Variants in NRK observed in about 807,000 individuals in gnomAD.
NRK encodes Nik related kinase.
Under a neutral mutation model 125.2 loss-of-function variants are expected in NRK, and 67 were observed. The ratio of observed to expected loss-of-function variants is 0.54; its 90% confidence interval spans 0.44 to 0.66. The LOEUF (loss-of-function observed/expected upper bound fraction) is 0.66. NRK is among the 30% of genes least tolerant of loss of function. The pLI is 0.00. For synonymous variants in NRK, 458 were observed against 429.0 expected (o/e 1.07, Z -0.84); for missense variants, 1,224 against 1,192.9 (o/e 1.03, Z -0.38).
intron 19 of NRK, among the ~76,000 whole-genome samples, chrX:105,929,980 A>T (rs1226784546): frequency 1.8e-5 from 2 of 110,515 alleles, no homozygotes; most frequent in African/African-American, 6.6e-5. Context: ...ATGTGATAAG[A>T]CTCTCCTTTT....
chrX:105,839,826 G>A (rs1057224116), intron 2 of NRK, among the ~76,000 whole-genome samples: 1 of 111,156 alleles, frequency 9.0e-6, no homozygotes, highest in Non-Finnish European at 1.9e-5. Flanking sequence ...GTAATGGAAA[G>A]GAGTGAGAGA....
intron 2 of NRK, among the ~76,000 whole-genome samples, chrX:105,841,739 TAAAA>T (rs1388612346): frequency 1.8e-5 from 2 of 111,463 alleles, no homozygotes; most frequent in Non-Finnish European, 3.8e-5. Flanking sequence ...AGAAATAAAA[TAAAA>T]TAAATAAAAT....
At position 105,908,289 on chromosome X, in the gene NRK, C is replaced by T. The variant is rs1490007563; in HGVS notation, c.1071C>T (p.Thr357=). Residue 357 remains threonine (T), a synonymous_variant, in exon 12 of 29, where the codon ACC becomes ACT. Transcript: ENST00000243300. ...EREEAIKEQY[T]VRRFRGPSCT... is the part of the protein sequence containing the mutation. ...AAGAAGCTATTAAGGAACAGTACACCGTGAGAAGATTCAGGTGCGTTCCAC... is the reference window on the plus strand; with the variant it reads ...AAGAAGCTATTAAGGAACAGTACACTGTGAGAAGATTCAGGTGCGTTCCAC... 4 of 1,064,720 alleles carry T rather than the reference C, an allele frequency of 3.8e-6. No individual in the cohort carries two copies. Among genetic ancestry groups the T allele is most frequent in the East Asian group, 6.8e-5 (2 of 29,316 alleles). 87.7% of individuals were successfully genotyped at this position (1,064,720 alleles called of 1,213,427 possible). A position where few individuals can be genotyped will look rare whatever the true frequency, so the allele number is the denominator to read the frequency against.
At chrX:105,878,672 G>A (rs867523661) in intron 2 of NRK, among the ~76,000 whole-genome samples, 12 of 176 alleles carry the variant, frequency 0.068, no homozygotes, top group South Asian at 0.62. Flanking sequence ...CTTTTCTCTG[G>A]ATCAATCAAT....
chrX:105,878,448 T>C (rs2039842684), intron 2 of NRK, among the ~76,000 whole-genome samples: 1 of 111,508 alleles, frequency 9.0e-6, no homozygotes, highest in Non-Finnish European at 1.9e-5. Flanking sequence ...TCATGTTCTT[T>C]TGAAAAATTT....
intron 19 of NRK, among the ~76,000 whole-genome samples, chrX:105,929,420 GTATTTTTATTTTTT>G (rs1450848765): frequency 9.1e-6 from 1 of 110,496 alleles, no homozygotes; most frequent in Admixed American, 9.6e-5. Context: ...ATATAATTGG[GTATTTTTATTTTTT>G]TATTTTTATT....
intron 2 of NRK, among the ~76,000 whole-genome samples, chrX:105,865,952 C>A (rs1380433545): frequency 1.9e-5 from 2 of 104,062 alleles, no homozygotes; most frequent in Non-Finnish European, 3.9e-5. Context: ...CAGGAGCACT[C>A]GAGGTGGCAT....
At position 105,956,747 on chromosome X, in the gene NRK, AGAG is replaced by A. The variant is rs1460507303; in HGVS notation, c.*1148_*1150del. On this transcript the variant is annotated 3_prime_UTR_variant, in exon 29 of 29. Transcript: ENST00000243300. ...ACCATATATATAAGCCTGCAAAATT[AGAG>A]TAGTGAAAGTCATGCTAGTCCATCA... 8.9e-6 allele frequency: 1 copy of A among 111,945 alleles called. No homozygotes were observed. Among genetic ancestry groups the A allele is most frequent in the African/African-American group, 3.2e-5 (1 of 30,787 alleles). 9.2% of individuals were successfully genotyped at this position (111,945 alleles called of 1,213,427 possible). A position where few individuals can be genotyped will look rare whatever the true frequency, so the allele number is the denominator to read the frequency against.
intron 27 of NRK, among the ~76,000 whole-genome samples, chrX:105,952,310 A>G (rs1331851840): frequency 8.9e-6 from 1 of 112,140 alleles, no homozygotes; most frequent in African/African-American, 3.2e-5. Context: ...AAAGTTAAAA[A>G]TGTAATAATA....
chrX:105,898,930 A>G (rs2040120947), intron 8 of NRK, among the ~76,000 whole-genome samples: 2 of 111,810 alleles, frequency 1.8e-5, no homozygotes, highest in Non-Finnish European at 3.8e-5. Flanking sequence ...TACCACTGAG[A>G]GTTACCTGCA....
At chrX:105,929,427 T>A (rs939777150) in intron 19 of NRK, among the ~76,000 whole-genome samples, 24 of 111,411 alleles carry the variant, frequency 2.2e-4, no homozygotes, top group African/African-American at 7.5e-4. Context: ...TGGGTATTTT[T>A]ATTTTTTTAT....
chrX:105,916,683 C>G (rs1357348442), intron 15 of NRK, among the ~76,000 whole-genome samples: 1 of 111,462 alleles, frequency 9.0e-6, no homozygotes, highest in Non-Finnish European at 1.9e-5. Flanking sequence ...TTTCTCTGCA[C>G]TCAATGAATG....
chrX:105,846,982 A>G (rs892277004), intron 2 of NRK, among the ~76,000 whole-genome samples: 1 of 112,142 alleles, frequency 8.9e-6, no homozygotes, highest in African/African-American at 3.2e-5. Flanking sequence ...TAACTGAGGC[A>G]TAGTGAAGTT....
chrX:105,900,213 G>A (rs2040140642), intron 8 of NRK, among the ~76,000 whole-genome samples: 1 of 109,371 alleles, frequency 9.1e-6, no homozygotes, highest in Non-Finnish European at 1.9e-5. Context: ...CTATGTAAGT[G>A]TATGCTATTG....
rs765273227 is a variant in NRK at position 105,946,474 on chromosome X, C to T, written c.4353+10C>T. ...GACCCTGCCAAAGAATGTAAGATAA[C>T]ACCTTCAGATTCCTAGAAATTATTG... is the stretch of plus-strand genomic sequence containing the variant. On this transcript the variant is annotated intron_variant, in intron 26 of 28. Coordinates refer to ENST00000243300, the MANE Select transcript of NRK (RefSeq NM_198465.4). 2.1e-5 allele frequency: 24 copies of T among 1,141,593 alleles called. No homozygotes were observed. In the South Asian group the frequency reaches 4.7e-4, roughly 22 times the overall value. The allele number at this position is 1,141,593 out of a possible 1,213,427, so 94.1% of individuals were successfully genotyped here.
At chrX:105,952,677 A>G (rs1035804721) in intron 27 of NRK, among the ~76,000 whole-genome samples, 2 of 112,143 alleles carry the variant, frequency 1.8e-5, no homozygotes, top group African/African-American at 3.2e-5. Flanking sequence ...GGAATGCTGT[A>G]TGTCACTTAG....
chrX:105,903,422 G>T (rs1227739251), intron 9 of NRK, among the ~76,000 whole-genome samples: 8 of 111,275 alleles, frequency 7.2e-5, no homozygotes, highest in Non-Finnish European at 1.3e-4. Flanking sequence ...ATATTCAGAA[G>T]ATTCCCTCAG....
chrX:105,831,573 A>AG (rs1181739119), intron 2 of NRK, among the ~76,000 whole-genome samples: 3 of 112,294 alleles, frequency 2.7e-5, no homozygotes, highest in African/African-American at 3.2e-5. Context: ...ACAAGAAAAA[A>AG]TCTGAATTTA....
intron 2 of NRK, among the ~76,000 whole-genome samples, chrX:105,877,232 C>G (rs2039826612): frequency 9.0e-6 from 1 of 111,164 alleles, no homozygotes; most frequent in South Asian, 3.7e-4. Context: ...AAATACTTGA[C>G]CAGTACTCTT....
Sources: gnomAD v4.1 joint callset for allele counts (sites outside exome capture counted in the v4.1 genomes callset) on GRCh38, gnomAD v4.1.1 for gene constraint, MANE v1.5 for transcripts, NCBI Gene and HGNC (gene_info 2026-07-23, HGNC 2026-07-21) for gene names.